EYS: variants seen among roughly 807,000 people sequenced by gnomAD.
The protein encoded by EYS is EGF-like photoreceptor maintenance factor, also known as protein eyes shut homolog.
A neutral mutation model predicts 282.1 loss-of-function variants in EYS; 250 were observed. The observed-to-expected ratio is 0.89, with a 90% CI of 0.80 to 0.98. The LOEUF is 0.98. Ranked by LOEUF, EYS falls within the 50% of genes least tolerant of loss-of-function variation. EYS has a pLI of 0.00. For missense variants in EYS, 4,016 were observed against 3,709.0 expected, an observed-to-expected ratio of 1.08 and a Z score of -2.15; for synonymous variants, 1,355 against 1,282.9, an observed-to-expected ratio of 1.06 and a Z score of -1.20.
chr6:64,148,744 A>T (rs1315315470), intron 31 of EYS, among the ~76,000 whole-genome samples: 1 of 152,170 alleles, frequency 6.6e-6, no homozygotes, highest in Non-Finnish European at 1.5e-5. Flanking sequence ...TGAAAAAATT[A>T]TAGCAGTAAA....
chr6:64,754,477 C>T (rs1772867695), intron 22 of EYS, among the ~76,000 whole-genome samples: 1 of 152,086 alleles, frequency 6.6e-6, no homozygotes, highest in Admixed American at 6.5e-5. Flanking sequence ...TTCCTCCTAA[C>T]TGGTACTATG....
chr6:64,276,867 C>T (rs1162651381), intron 30 of EYS, among the ~76,000 whole-genome samples: 5 of 152,082 alleles, frequency 3.3e-5, no homozygotes. Context: ...AGTGGATTAA[C>T]ATCAGCTAGT....
intron 22 of EYS, among the ~76,000 whole-genome samples, chr6:64,669,103 T>C (rs1243213359): frequency 1.3e-5 from 2 of 152,186 alleles, no homozygotes; most frequent in Admixed American, 6.5e-5. Context: ...GTGGCCTTTA[T>C]ATACTCACTC....
chr6:64,573,424 A>T lies in EYS; in HGVS notation c.5644+16799T>A, dbSNP rs946419615. 3.9e-4 allele frequency among the ~76,000 whole-genome samples: 60 copies of T among 152,204 alleles called. 1 individual carries two copies. Among genetic ancestry groups the T allele is most frequent in the African/African-American group, 1.4e-3 (59 of 41,468 alleles). On this transcript the variant is annotated intron_variant, in intron 26 of 42. Coordinates refer to ENST00000503581, the MANE Select transcript of EYS (RefSeq NM_001142800.2). ...AATGACAACAAAAGCCAAAATTTGC[A>T]AATGGGATCTAATTAAACTAAAGAG...
At chr6:65,063,069 C>T (rs970473706) in intron 12 of EYS, among the ~76,000 whole-genome samples, 3 of 151,766 alleles carry the variant, frequency 2.0e-5, no homozygotes, top group Admixed American at 1.3e-4. Context: ...TCTTGGAAGT[C>T]AGAGTCCATT....
chr6:64,575,606 T>C (rs1345745583), intron 26 of EYS, among the ~76,000 whole-genome samples: 1 of 152,104 alleles, frequency 6.6e-6, no homozygotes, highest in Non-Finnish European at 1.5e-5. Context: ...TAAAGTATGG[T>C]CAGGTACACA....
chr6:65,113,508 A>T (rs2882434), intron 12 of EYS, among the ~76,000 whole-genome samples: 39,814 of 151,904 alleles, frequency 0.26, 6,406 homozygotes, highest in African/African-American at 0.45. Context: ...TCCTTAAGAC[A>T]ACCTATAAAA....
At chr6:65,235,108 T>A (rs1012701244) in intron 12 of EYS, among the ~76,000 whole-genome samples, 1 of 152,192 alleles carries the variant, frequency 6.6e-6, no homozygotes, top group Admixed American at 6.6e-5. Context: ...TGGCTAGCAT[T>A]GCAAGAAAAT....
intron 22 of EYS, among the ~76,000 whole-genome samples, chr6:64,673,752 A>G (rs757345413): frequency 1.3e-5 from 2 of 152,072 alleles, no homozygotes; most frequent in African/African-American, 2.4e-5. Flanking sequence ...AATGCCTACT[A>G]CAGTACCTAC....
intron 2 of EYS, among the ~76,000 whole-genome samples, chr6:65,595,773 C>A (rs1321149430): frequency 6.6e-6 from 1 of 152,082 alleles, no homozygotes; most frequent in Admixed American, 6.6e-5. Flanking sequence ...GTGTGGTAGG[C>A]AGCTTCTAAG....
At chr6:64,391,034 GATGAA>G (rs1773114448) in intron 28 of EYS, among the ~76,000 whole-genome samples, 1 of 152,178 alleles carries the variant, frequency 6.6e-6, no homozygotes, top group African/African-American at 2.4e-5. Context: ...AGTGATGGAA[GATGAA>G]ATGAATGAAA....
intron 30 of EYS, among the ~76,000 whole-genome samples, chr6:64,280,131 GT>G (rs1442016612): frequency 6.6e-6 from 1 of 152,160 alleles, no homozygotes; most frequent in Non-Finnish European, 1.5e-5. Context: ...TGACATAACT[GT>G]TGGTAGAAAT....
At chr6:65,471,892 G>C (rs1177392261) in intron 5 of EYS, among the ~76,000 whole-genome samples, 1 of 151,848 alleles carries the variant, frequency 6.6e-6, no homozygotes. Flanking sequence ...TTTTAAATGA[G>C]ACATATTTAA....
intron 22 of EYS, among the ~76,000 whole-genome samples, chr6:64,710,458 A>T (rs1692560691): frequency 2.0e-5 from 3 of 152,200 alleles, no homozygotes; most frequent in Admixed American, 2.0e-4. Context: ...CATCCAGTTA[A>T]AGGGTAGCCA....
rs1230850498 is a variant in EYS at position 65,173,726 on chromosome 6, C to T, written c.2024-115999G>A. ...AATCATCTGACATACAGCTTAATCTCCTATGATACAATATATGAATATATA... is the reference window on the plus strand; with the variant it reads ...AATCATCTGACATACAGCTTAATCTTCTATGATACAATATATGAATATATA... On this transcript the variant is annotated intron_variant, in intron 12 of 42. Coordinates refer to ENST00000503581, the MANE Select transcript of EYS (RefSeq NM_001142800.2). 2.0e-5 allele frequency among the ~76,000 whole-genome samples: 3 copies of T among 150,954 alleles called. No homozygotes were observed. The East Asian group carries it at 5.9e-4, about 30-fold the overall frequency.
chr6:64,367,585 G>C (rs1772220938), intron 29 of EYS, among the ~76,000 whole-genome samples: 1 of 148,470 alleles, frequency 6.7e-6, no homozygotes, highest in African/African-American at 2.5e-5. Flanking sequence ...ATAGGAAGTG[G>C]TGATAAACAC....
At chr6:65,184,946 G>A (rs1765480751) in intron 12 of EYS, among the ~76,000 whole-genome samples, 1 of 151,284 alleles carries the variant, frequency 6.6e-6, no homozygotes, top group African/African-American at 2.4e-5. Flanking sequence ...TTGGATAGAT[G>A]CATAGCTACA....
intron 22 of EYS, among the ~76,000 whole-genome samples, chr6:64,812,947 A>G (rs754864633): frequency 2.0e-5 from 3 of 152,076 alleles, no homozygotes; most frequent in Non-Finnish European, 2.9e-5. Context: ...ATTTGCTTTT[A>G]TAACTCAAAT....
At chr6:65,450,035 G>A (rs933692513) in intron 5 of EYS, among the ~76,000 whole-genome samples, 1 of 152,122 alleles carries the variant, frequency 6.6e-6, no homozygotes, top group African/African-American at 2.4e-5. Context: ...ACTAGAGACT[G>A]CTGCCTTTTA....
Sources: gnomAD v4.1 joint callset for allele counts (sites outside exome capture counted in the v4.1 genomes callset) on GRCh38, gnomAD v4.1.1 for gene constraint, MANE v1.5 for transcripts, NCBI Gene and HGNC (gene_info 2026-07-23, HGNC 2026-07-21) for gene names.